SH3BP2: variants seen among roughly 807,000 people sequenced by gnomAD.
The protein encoded by SH3BP2 is SH3 domain binding protein 2.
SH3BP2 carries 38 observed loss-of-function variants against 56.2 expected under a neutral mutation model. The observed-to-expected ratio is 0.68, with a 90% CI of 0.52 to 0.89. The LOEUF is 0.89. SH3BP2 is among the 40% of genes least tolerant of loss of function. The probability of loss-of-function intolerance (pLI) is 0.00; values close to 1 mark genes in which losing one functional copy is unlikely to be tolerated. For missense variants in SH3BP2, 748 were observed against 762.6 expected, an observed-to-expected ratio of 0.98 and a Z score of 0.23; for synonymous variants, 346 against 316.7, an observed-to-expected ratio of 1.09 and a Z score of -0.98.
chr4:2,837,148 C>A lies in SH3BP2; in HGVS notation c.*3314C>A, dbSNP rs1443751233. ...GCAAATCTCCAGGGTTCAATCGATT[C>A]TCCTGCCTCACCCTCCCATGTAGCT... is the stretch of plus-strand genomic sequence containing the variant. On this transcript the variant is annotated 3_prime_UTR_variant, in exon 13 of 13. Transcript: ENST00000503393. 3 of 152,034 alleles carry A rather than the reference C, an allele frequency of 2.0e-5. No homozygotes were observed. The highest frequency in any genetic ancestry group is 1.3e-4 in the Admixed American group (2 of 15,260). 9.4% of individuals were successfully genotyped at this position (152,034 alleles called of 1,614,324 possible).
chr4:2,831,026 G>A lies in SH3BP2; in HGVS notation c.1242-545G>A, dbSNP rs1203659035. On this transcript the variant is annotated intron_variant, in intron 8 of 12. Transcript: ENST00000503393. The surrounding 1 kb of genome is among the most constrained non-coding windows in gnomAD (Gnocchi z 4.1). ...GGAAGTCACGTTTTTCCATGACTGT[G>A]GGGATAGCGGTTCCAGGGCTCAGCC... Among the ~76,000 whole-genome samples, 1 of 152,240 alleles carries A rather than the reference G, an allele frequency of 6.6e-6. No individual in the cohort carries two copies. Among genetic ancestry groups the A allele is most frequent in the African/African-American group, 2.4e-5 (1 of 41,460 alleles).
At chr4:2,798,639 T>C (rs1723138916) in intron 1 of SH3BP2, 1 of 152,548 alleles carries the variant, frequency 6.6e-6, no homozygotes, top group Non-Finnish European at 1.5e-5. Flanking sequence ...CGCTGATGGC[T>C]GGGCAGATAG....
chr4:2,830,221 GC>G, intron 8 of SH3BP2, 74 bp downstream of exon 8: 1 of 1,388,058 alleles, frequency 7.2e-7, no homozygotes, highest in Non-Finnish European at 9.7e-7. Context: ...CGGGCACTCT[GC>G]CCACCTCGCT....
rs933449054 is a variant in SH3BP2, at chr4:2,839,246, A to G, written c.*5412A>G. On this transcript the variant is annotated 3_prime_UTR_variant, in exon 13 of 13. Transcript: ENST00000503393. Reference sequence around the variant, plus strand: ...GAGTGCAGTGGTGCAATCTCAGCTCACTGCAGCCTTGAGTCAGGCTCAGGT... The same window carrying G: ...GAGTGCAGTGGTGCAATCTCAGCTCGCTGCAGCCTTGAGTCAGGCTCAGGT... 3 of 149,544 alleles carry G rather than the reference A, an allele frequency of 2.0e-5. No homozygotes were observed. Among genetic ancestry groups the G allele is most frequent in the African/African-American group, 7.4e-5 (3 of 40,404 alleles). 9.3% of individuals were successfully genotyped at this position (149,544 alleles called of 1,614,324 possible). A position where few individuals can be genotyped will look rare whatever the true frequency, so the allele number is the denominator to read the frequency against.
In SH3BP2 at chr4:2,832,071, C is replaced by G. The variant is rs545017239; in HGVS notation, c.1406+93C>G. The G allele has an allele frequency of 8.8e-6, 12 of 1,360,176 alleles. No homozygotes were observed. The South Asian group carries it at 1.2e-4, about 14-fold the overall frequency. The allele number at this position is 1,360,176 out of a possible 1,614,324, so 84.3% of individuals were successfully genotyped here. A position where few individuals can be genotyped will look rare whatever the true frequency, so the allele number is the denominator to read the frequency against. ...CACTAGCTTCCGTGTTGGGGAGTTG[C>G]TGGCACAAGTTCATGGCCCTGCGTG... On this transcript the variant is annotated intron_variant, in intron 10 of 12. Transcript: ENST00000503393.
intron 1 of SH3BP2, chr4:2,817,710 C>G (rs891758783): frequency 6.6e-6 from 1 of 152,340 alleles, no homozygotes; most frequent in African/African-American, 2.4e-5. Context: ...AGACCCCTGG[C>G]TCCTTGGAGA....
Position 2,823,028 on chromosome 4 carries a change from G to T in SH3BP2, c.230G>T (p.Gly77Val), listed in dbSNP as rs2108728465. 6.2e-7 allele frequency: 1 copy of T among 1,612,952 alleles called. No homozygotes were observed. Among genetic ancestry groups the T allele is most frequent in the Non-Finnish European group, 8.5e-7 (1 of 1,179,164 alleles). ...CCGCAGGGCGCCTTCTCCCTGAGTGGCTATAACCGGTAAGTGCCCGACCTG... is the reference window on the plus strand; with the variant it reads ...CCGCAGGGCGCCTTCTCCCTGAGTGTCTATAACCGGTAAGTGCCCGACCTG... ...ASPQGAFSLSGYNRVMRAAEE... is the reference protein window; with the variant it reads ...ASPQGAFSLSVYNRVMRAAEE... Residue 77 changes from glycine to valine, a missense_variant, in exon 3 of 13, where the codon GGC becomes GTC. Transcript: ENST00000503393.
In SH3BP2 at chr4:2,833,685, C is replaced by A. The variant is rs202005559; in HGVS notation, c.1549-12C>A. The A allele has an allele frequency of 8.3e-4, 1,339 of 1,608,810 alleles. 4 individuals carry two copies. Among genetic ancestry groups the A allele is most frequent in the Non-Finnish European group, 1.1e-3 (1,278 of 1,177,706 alleles). On this transcript the variant is annotated splice_polypyrimidine_tract_variant and intron_variant, in intron 12 of 12. Transcript: ENST00000503393. Reference sequence around the variant, plus strand: ...TGGCCCTGCTGACGCTCCCCCTTCTCTTCCCCCACAGGACTCTAAGTTCTA... The same window carrying A: ...TGGCCCTGCTGACGCTCCCCCTTCTATTCCCCCACAGGACTCTAAGTTCTA...
intron 1 of SH3BP2, among the ~76,000 whole-genome samples, chr4:2,803,038 A>T (rs1435884028): frequency 2.0e-5 from 3 of 152,232 alleles, no homozygotes; most frequent in African/African-American, 4.8e-5. Context: ...AGGTGTGTGC[A>T]GGAGCTGCAT....
At chr4:2,816,057 T>A (rs1723979225) in intron 1 of SH3BP2, among the ~76,000 whole-genome samples, 1 of 152,162 alleles carries the variant, frequency 6.6e-6, no homozygotes, top group Admixed American at 6.5e-5. Flanking sequence ...TTTATTCTAA[T>A]AATTTTTTTT....
Position 2,830,042 on chromosome 4 carries a change from C to T in SH3BP2, c.1136C>T (p.Pro379Leu). 6.2e-7 allele frequency: 1 copy of T among 1,612,518 alleles called. No homozygotes were observed. The highest frequency in any genetic ancestry group is 8.5e-7 in the Non-Finnish European group (1 of 1,179,840). The change falls in exon 8 of 13, where the codon CCC becomes CTC. Residue 379 changes from proline to leucine, a missense_variant. By Grantham distance (98) the Pro-to-Leu change is moderately conservative. Transcript: ENST00000503393. ...GCAGCCATGCCCGGACTCTTTGTGC[C>T]CCCCGTGGCTCCCCGGCCTCCTGCG... ...REAAMPGLFV[P>L]PVAPRPPALK... is the part of the protein sequence containing the mutation.
chr4:2,833,752 T>C lies in SH3BP2; in HGVS notation c.1604T>C (p.Val535Ala). Residue 535 changes from valine to alanine, a missense_variant, in exon 13 of 13, where the codon GTG (valine) becomes GCG (alanine). Coordinates refer to ENST00000503393, the MANE Select transcript of SH3BP2 (RefSeq NM_001122681.2). ...EVLFVSVGSM[V>A]EHYHTHVLPS... is the part of the protein sequence containing the mutation. ...CTGTTTGTGAGTGTGGGCAGCATGGTGGAGCACTACCACACCCACGTGCTG... is the reference window on the plus strand; with the variant it reads ...CTGTTTGTGAGTGTGGGCAGCATGGCGGAGCACTACCACACCCACGTGCTG... 1 of 1,606,596 alleles carries C rather than the reference T, an allele frequency of 6.2e-7. No individual in the cohort carries two copies. The highest frequency in any genetic ancestry group is 8.5e-7 in the Non-Finnish European group (1 of 1,176,732).
chr4:2,799,257 G>C, intron 1 of SH3BP2: 1 of 985,452 alleles, frequency 1.0e-6, no homozygotes, highest in African/African-American at 1.7e-5. Context: ...CCCTCACCGC[G>C]ACTGGACTTC....
In SH3BP2 at chr4:2,832,424, G is replaced by A. The variant is rs1366265725; in HGVS notation, c.1488+12G>A. The stretch of plus-strand genomic sequence containing the variant: ...CCAAGTCGGGGAAGGTAGGCGCCAG[G>A]GGAAGATGCCCCAGGGCCCCTCTGG... On this transcript the variant is annotated intron_variant, in intron 11 of 12. Coordinates refer to ENST00000503393, the MANE Select transcript of SH3BP2 (RefSeq NM_001122681.2). The A allele has an allele frequency of 1.2e-6, 2 of 1,610,630 alleles. No individual in the cohort carries two copies. The highest frequency in any genetic ancestry group is 2.7e-5 in the African/African-American group (2 of 74,970).
rs1189061337 is a variant in SH3BP2, at chr4:2,840,907, T to C, written c.*7073T>C. ...CAATAGGATTTTATATTTTTGTCCATTGTGGTCTTGCTTATCTTAAGTTTG... is the reference window on the plus strand; with the variant it reads ...CAATAGGATTTTATATTTTTGTCCACTGTGGTCTTGCTTATCTTAAGTTTG... On this transcript the variant is annotated 3_prime_UTR_variant, in exon 13 of 13. Transcript: ENST00000503393. 1 of 152,222 alleles carries C rather than the reference T, an allele frequency of 6.6e-6. No individual in the cohort carries two copies. The allele number at this position is 152,222 out of a possible 1,614,324, so 9.4% of individuals were successfully genotyped here.
At position 2,826,967 on chromosome 4, in the gene SH3BP2, TTG is replaced by T. The variant is rs775719467; in HGVS notation, c.429-257_429-256del. ...TGTGCTTGTGTGTGCACGTGTGCAT[TTG>T]TGTGTTTGTCAGAGTATGTGTGCAT... On this transcript the variant is annotated intron_variant, in intron 5 of 12. Transcript: ENST00000503393. The T allele has an allele frequency of 5.8e-4, 370 of 640,924 alleles. 3 individuals carry two copies. The highest frequency in any genetic ancestry group is 2.8e-3 in the South Asian group (183 of 66,086). The allele number at this position is 640,924 out of a possible 1,614,324, so 39.7% of individuals were successfully genotyped here.
chr4:2,811,312 C>G (rs753543561), intron 1 of SH3BP2, among the ~76,000 whole-genome samples: 5 of 152,216 alleles, frequency 3.3e-5, no homozygotes, highest in African/African-American at 1.2e-4. Flanking sequence ...CCCTAGGAAG[C>G]CTGGCGGGCA....
chr4:2,799,026 G>A (rs908955806), intron 1 of SH3BP2: 11 of 985,444 alleles, frequency 1.1e-5, no homozygotes, highest in Admixed American at 6.1e-5. Flanking sequence ...CAAAGCCGGC[G>A]TCAGGTCATC....
In SH3BP2 at chr4:2,830,021, C is replaced by T; in HGVS notation, c.1115C>T (p.Ala372Val). ...GAAGAGGACCCCCCAAGGGAGGCAG[C>T]CATGCCCGGACTCTTTGTGCCCCCC... ...IAEEDPPREA[A>V]MPGLFVPPVA... The change falls in exon 8 of 13, where the codon GCC (alanine) becomes GTC (valine). Residue 372 changes from alanine to valine, a missense_variant. Coordinates refer to ENST00000503393, the MANE Select transcript of SH3BP2 (RefSeq NM_001122681.2). The T allele has an allele frequency of 3.1e-6, 5 of 1,612,966 alleles. No individual in the cohort carries two copies. Among genetic ancestry groups the T allele is most frequent in the Non-Finnish European group, 4.2e-6 (5 of 1,179,988 alleles).
Sources: gnomAD v4.1 joint callset for allele counts (sites outside exome capture counted in the v4.1 genomes callset) on GRCh38, gnomAD v4.1.1 for gene constraint, Gnocchi (gnomAD v3.1) non-coding constraint, MANE v1.5 for transcripts, NCBI Gene and HGNC (gene_info 2026-07-23, HGNC 2026-07-21) for gene names.